Variants in SYNE2 observed in about 807,000 individuals in gnomAD.
SYNE2 encodes nesprin-2.
In SYNE2, 431 loss-of-function variants were observed where a neutral mutation model predicts 856.3. The ratio of observed to expected loss-of-function variants is 0.50; its 90% CI spans 0.47 to 0.55. The LOEUF (loss-of-function observed/expected upper bound fraction) is 0.55, where lower values mean the gene tolerates loss of function less well. Ranked by LOEUF, SYNE2 falls within the 20% of genes least tolerant of loss-of-function variation. The pLI is 0.00. For synonymous variants in SYNE2, 2,923 were observed against 2,872.3 expected, an observed-to-expected ratio of 1.02 and a Z score of -0.56; for missense variants, 8,129 against 8,023.2, an observed-to-expected ratio of 1.01 and a Z score of -0.50.
chr14:64,119,223 G>A (rs1273472826), intron 66 of SYNE2, among the ~76,000 whole-genome samples: 1 of 152,214 alleles, frequency 6.6e-6, no homozygotes, highest in Non-Finnish European at 1.5e-5. Flanking sequence ...AGTGACATGT[G>A]TAATTGGGAT....
At chr14:63,993,662 CTAGCA>C (rs2096687556) in intron 21 of SYNE2, among the ~76,000 whole-genome samples, 168 bp from the exon 22 acceptor site, 1 of 152,188 alleles carries the variant, frequency 6.6e-6, no homozygotes. Flanking sequence ...TTTCAAAGGG[CTAGCA>C]ACCTCGATTT....
chr14:64,026,241 A>C (rs7152843), intron 41 of SYNE2, among the ~76,000 whole-genome samples: 5,328 of 152,280 alleles, frequency 0.035, 322 homozygotes, highest in African/African-American at 0.12. Context: ...CTTAGGTTAT[A>C]AAAATGTCTT....
Position 64,170,545 on chromosome 14 carries a change from TTGA to T in SYNE2, c.17235+92_17235+94del, listed in dbSNP as rs1273121805. 7.3e-6 allele frequency: 10 copies of T among 1,371,816 alleles called. No individual in the cohort carries two copies. In the Admixed American group the frequency reaches 1.8e-4, roughly 24 times the overall value. The allele number at this position is 1,371,816 out of a possible 1,614,324, so 85.0% of individuals were successfully genotyped here. On this transcript the variant is annotated intron_variant, in intron 94 of 115. Transcript: ENST00000555002. ...TTCATTCACCTTTGGTTTAATGTTT[TTGA>T]TGATGATGTGATCCAAGTGGGCTCT... is the stretch of plus-strand genomic sequence containing the variant.
At position 64,225,302 on chromosome 14, in the gene SYNE2, A is replaced by G; in HGVS notation, c.20517-17A>G. The G allele has an allele frequency of 6.2e-7, 1 of 1,613,746 alleles. No homozygotes were observed. The highest frequency in any genetic ancestry group is 1.6e-4 in the Middle Eastern group (1 of 6,062). ...TGTGGAGCCTCCCAATCAGCTCTCA[A>G]CCTCCTCTGTTGGCAGGGTCCCCGG... On this transcript the variant is annotated splice_polypyrimidine_tract_variant and intron_variant, in intron 115 of 115. Coordinates refer to ENST00000555002, the MANE Select transcript of SYNE2 (RefSeq NM_182914.3).
intron 111 of SYNE2, among the ~76,000 whole-genome samples, 194 bp downstream of exon 111, chr14:64,220,831 CG>C (rs2098690968): frequency 6.6e-6 from 1 of 152,170 alleles, no homozygotes; most frequent in South Asian, 2.1e-4. Context: ...TCCCAGGTCT[CG>C]TCTCTGTTGC....
intron 1 of SYNE2, among the ~76,000 whole-genome samples, chr14:63,798,754 ATAT>A (rs1888016575): frequency 6.6e-6 from 1 of 152,110 alleles, no homozygotes; most frequent in African/African-American, 2.4e-5. Context: ...GGTCTAAGAG[ATAT>A]TATTTCACTA....
intron 1 of SYNE2, among the ~76,000 whole-genome samples, chr14:63,803,316 G>C (rs1888229895): frequency 6.6e-6 from 1 of 152,232 alleles, no homozygotes; most frequent in Non-Finnish European, 1.5e-5. Flanking sequence ...GGAGCAGGGG[G>C]TGGTGCTAGT....
chr14:63,785,817 A>G (rs1887501405), intron 1 of SYNE2, among the ~76,000 whole-genome samples: 1 of 152,164 alleles, frequency 6.6e-6, no homozygotes, highest in Non-Finnish European at 1.5e-5. Flanking sequence ...TTTTGTTAAG[A>G]AAAACAGCAC....
intron 94 of SYNE2, 84 bp from the exon 95 acceptor site, chr14:64,174,860 C>T (rs2098426523): frequency 1.5e-6 from 2 of 1,311,666 alleles, no homozygotes; most frequent in South Asian, 2.5e-5. Context: ...AAGAAAAGCT[C>T]TGAAGGAAAT....
intron 1 of SYNE2, among the ~76,000 whole-genome samples, chr14:63,825,549 G>T (rs1256120883): frequency 6.6e-6 from 1 of 152,064 alleles, no homozygotes; most frequent in African/African-American, 2.4e-5. Context: ...AGAAGTGCAA[G>T]ACTTATTCAA....
intron 1 of SYNE2, among the ~76,000 whole-genome samples, chr14:63,874,410 G>A (rs953755749): frequency 6.6e-6 from 1 of 152,096 alleles, no homozygotes; most frequent in African/African-American, 2.4e-5. Context: ...TGGCTCTGCA[G>A]GCCTCTTTTG....
At chr14:64,209,626 G>A in intron 102 of SYNE2, 48 bp downstream of exon 102, 1 of 1,610,152 alleles carries the variant, frequency 6.2e-7, no homozygotes, top group Non-Finnish European at 8.5e-7. Context: ...CAAGCCTGCA[G>A]CGAGCCTGGG....
intron 6 of SYNE2, among the ~76,000 whole-genome samples, chr14:63,948,704 A>G (rs1318813221): frequency 7.0e-5 from 8 of 115,012 alleles, no homozygotes; most frequent in South Asian, 3.0e-4. Flanking sequence ...ATATATATAT[A>G]TGTATATATA....
intron 2 of SYNE2, among the ~76,000 whole-genome samples, chr14:63,926,356 GACTTAGGATAAT>G (rs2095665833): frequency 1.3e-5 from 2 of 152,044 alleles, no homozygotes; most frequent in South Asian, 4.1e-4. Flanking sequence ...TGGTTTCTTT[GACTTAGGATAAT>G]GTTTTCAAGA....
intron 1 of SYNE2, among the ~76,000 whole-genome samples, chr14:63,812,480 G>A (rs374753441): frequency 4.6e-5 from 7 of 152,276 alleles, no homozygotes; most frequent in African/African-American, 1.4e-4. Context: ...TAGTGGTCCT[G>A]AGGTGATGTA....
chr14:64,003,053 G>T lies in SYNE2; in HGVS notation c.4120G>T (p.Ala1374Ser), dbSNP rs2096767578. The change falls in exon 30 of 116, where the codon GCC becomes TCC. Residue 1374 changes from alanine (A) to serine (S), a missense_variant. Around this residue, in one of 3 missense-constraint regions of SYNE2, gnomAD observed 2,422 missense variants for 2,357.4 expected, o/e 1.03. Coordinates refer to ENST00000555002, the MANE Select transcript of SYNE2 (RefSeq NM_182914.3). ...AGAAATTCATCTGATGAAAGACAAG[G>T]CCAAACATTTGGATAAATGTTTGAA... ...EGEIHLMKDK[A>S]KHLDKCLKML... The T allele has an allele frequency of 1.2e-6, 2 of 1,614,132 alleles. No individual in the cohort carries two copies. Among genetic ancestry groups the T allele is most frequent in the African/African-American group, 1.3e-5 (1 of 75,032 alleles).
At chr14:63,792,055 A>C (rs562617314) in intron 1 of SYNE2, among the ~76,000 whole-genome samples, 2 of 152,342 alleles carry the variant, frequency 1.3e-5, no homozygotes, top group Admixed American at 1.3e-4. Context: ...AGAGGAACAA[A>C]AATGACATGA....
intron 31 of SYNE2, among the ~76,000 whole-genome samples, chr14:64,008,517 G>A (rs866099923): frequency 3.2e-4 from 48 of 152,146 alleles, no homozygotes; most frequent in African/African-American, 1.1e-3. Flanking sequence ...GTCCCAGTTG[G>A]CAATTCTTAT....
At chr14:64,044,940 T>C (rs1353722545) in intron 45 of SYNE2, among the ~76,000 whole-genome samples, 1 of 152,208 alleles carries the variant, frequency 6.6e-6, no homozygotes, top group Non-Finnish European at 1.5e-5. Flanking sequence ...AGTTATATTT[T>C]ATTCAAGTTC....
Sources: allele counts gnomAD v4.1 joint callset (sites outside exome capture counted in the v4.1 genomes callset), GRCh38; gene constraint gnomAD v4.1.1; regional missense constraint gnomAD v4.1.1; transcripts MANE v1.5; gene names NCBI Gene and HGNC (gene_info 2026-07-23, HGNC 2026-07-21).